Variants in RAD17 observed in about 807,000 individuals in gnomAD.
RAD17 encodes the protein cell cycle checkpoint protein RAD17.
In RAD17, 31 loss-of-function variants were observed where a neutral mutation model predicts 81.5. The observed-to-expected ratio is 0.38, with a 90% confidence interval of 0.29 to 0.51. The LOEUF is 0.51. Among genes scored for constraint, RAD17 ranks in the 20% least tolerant of loss-of-function variants. The pLI is 0.88. For missense variants in RAD17, 681 were observed against 781.2 expected (o/e 0.87, Z 1.53); for synonymous variants, 261 against 266.2 (o/e 0.98, Z 0.19).
chr5:69,381,785 A>T (rs1763875441), intron 6 of RAD17, 116 bp from the exon 7 acceptor site: 1 of 742,116 alleles, frequency 1.3e-6, no homozygotes, highest in African/African-American at 1.8e-5. Flanking sequence ...ATGTGCTTAT[A>T]TGAGACATTC....
At chr5:69,401,527 A>G (rs2150863542) in intron 17 of RAD17, among the ~76,000 whole-genome samples, 1 of 152,346 alleles carries the variant, frequency 6.6e-6, no homozygotes, top group Middle Eastern at 3.4e-3. Context: ...TTACGAAATT[A>G]TAATGCTACA....
chr5:69,379,439 AAACTT>A (rs1268863600), intron 6 of RAD17, among the ~76,000 whole-genome samples: 16 of 152,282 alleles, frequency 1.1e-4, no homozygotes, highest in South Asian at 8.3e-4. Context: ...AGGCTACACT[AAACTT>A]AAACAGTTTT....
chr5:69,387,204 A>G (rs1764268237), intron 11 of RAD17, among the ~76,000 whole-genome samples: 1 of 152,060 alleles, frequency 6.6e-6, no homozygotes, highest in Non-Finnish European at 1.5e-5. Flanking sequence ...GATTTCAGGC[A>G]TGAGCCTCTG....
chr5:69,377,450 T>TACACACACAC, intron 6 of RAD17, among the ~76,000 whole-genome samples: 1 of 11,196 alleles, frequency 8.9e-5, no homozygotes, highest in South Asian at 3.5e-3. Context: ...TATATATATA[T>TACACACACAC]ATATATATAT....
chr5:69,369,517 C>T, upstream of RAD17: 4 of 1,611,326 alleles, frequency 2.5e-6, no homozygotes, highest in Non-Finnish European at 2.5e-6. Context: ...GCTTCGGGCG[C>T]CTCGCTCACG....
chr5:69,406,802 G>C (rs1168407), intron 17 of RAD17, among the ~76,000 whole-genome samples: 75,447 of 151,422 alleles, frequency 0.5, 18,799 homozygotes, highest in South Asian at 0.54. Context: ...CTACCACACC[G>C]AACCAATATA....
At chr5:69,379,969 C>T (rs1763745289) in intron 6 of RAD17, among the ~76,000 whole-genome samples, 2 of 151,982 alleles carry the variant, frequency 1.3e-5, no homozygotes, top group South Asian at 4.1e-4. Flanking sequence ...CAACCTCTGC[C>T]TCCCGGGTTC....
intron 17 of RAD17, among the ~76,000 whole-genome samples, chr5:69,403,436 T>C (rs1291380933): frequency 6.6e-6 from 1 of 152,206 alleles, no homozygotes; most frequent in Non-Finnish European, 1.5e-5. Context: ...AGGAAAGATA[T>C]CTGGATTCTG....
chr5:69,409,367 A>T (rs1198381148), intron 17 of RAD17, among the ~76,000 whole-genome samples: 1 of 152,112 alleles, frequency 6.6e-6, no homozygotes, highest in Non-Finnish European at 1.5e-5. Context: ...TCCAGTAGGA[A>T]GGAGTCCTTT....
Position 69,372,167 on chromosome 5 carries a change from C to T in RAD17, c.-42C>T, listed in dbSNP as rs1763047854. 1.3e-6 allele frequency: 2 copies of T among 1,596,626 alleles called. No homozygotes were observed. Among genetic ancestry groups the T allele is most frequent in the Admixed American group, 1.7e-5 (1 of 58,668 alleles). On this transcript the variant is annotated 5_prime_UTR_variant, in exon 4 of 19. Transcript: ENST00000354868. ...CTCTCAAAAATATAGAGGAAAGGGG[C>T]CAAGATTATAGTACCAGTCACAATC...
At chr5:69,387,519 A>C (rs1051927998) in intron 11 of RAD17, among the ~76,000 whole-genome samples, 1 of 152,226 alleles carries the variant, frequency 6.6e-6, no homozygotes, top group African/African-American at 2.4e-5. Context: ...CCAATAATAC[A>C]GGAAGCAATT....
chr5:69,386,346 T>A, intron 10 of RAD17, 41 bp downstream of exon 10: 1 of 1,582,032 alleles, frequency 6.3e-7, no homozygotes, highest in Non-Finnish European at 8.6e-7. Flanking sequence ...ACATACATAT[T>A]ATATTTTTAA....
At chr5:69,404,221 A>G (rs1184668176) in intron 17 of RAD17, among the ~76,000 whole-genome samples, 1 of 152,224 alleles carries the variant, frequency 6.6e-6, no homozygotes, top group Non-Finnish European at 1.5e-5. Flanking sequence ...GATCCTGATT[A>G]TAGGCAACAA....
At chr5:69,375,449 CTCCT>C (rs1292888097) in intron 6 of RAD17, among the ~76,000 whole-genome samples, 2 of 152,096 alleles carry the variant, frequency 1.3e-5, no homozygotes, top group African/African-American at 2.4e-5. Flanking sequence ...AGAATATTCT[CTCCT>C]TCCATCAGTC....
intron 17 of RAD17, among the ~76,000 whole-genome samples, chr5:69,408,506 C>CTTTT (rs913594965): frequency 0.013 from 1,163 of 88,360 alleles, 29 homozygotes; most frequent in African/African-American, 0.021. Flanking sequence ...ACCCTAATTA[C>CTTTT]TTTTTTTTTT....
At position 69,402,579 on chromosome 5, in the gene RAD17, C is replaced by T. The variant is rs996201675; in HGVS notation, c.1693+2410C>T. On this transcript the variant is annotated intron_variant, in intron 17 of 18. Coordinates refer to ENST00000354868, the MANE Select transcript of RAD17 (RefSeq NM_133338.3). ...CTGAGGCAGGAGAATGGTATGAACC[C>T]GGGAGGCGGAGCTTGCAGTGAGCTG... Among the ~76,000 whole-genome samples, 43 of 150,270 alleles carry T rather than the reference C, an allele frequency of 2.9e-4. 1 individual carries two copies. The highest frequency in any genetic ancestry group is 2.6e-3 in the Admixed American group (39 of 15,018).
upstream of RAD17, chr5:69,369,799 G>GT: frequency 1.5e-6 from 2 of 1,298,320 alleles, no homozygotes; most frequent in South Asian, 2.7e-5. Flanking sequence ...CGACCAGTCT[G>GT]GAAGGTCCCC....
chr5:69,369,455 G>A, upstream of RAD17: 1 of 1,610,350 alleles, frequency 6.2e-7, no homozygotes, highest in Non-Finnish European at 8.5e-7. Flanking sequence ...CCGGCCGCGC[G>A]CCCTGACCGG....
chr5:69,377,415 G>T (rs1763406252), intron 6 of RAD17, among the ~76,000 whole-genome samples: 1 of 93,594 alleles, frequency 1.1e-5, no homozygotes, highest in South Asian at 3.4e-4. Flanking sequence ...ATAAACTTAG[G>T]TATATGTGTG....
Sources: allele counts gnomAD v4.1 joint callset (sites outside exome capture counted in the v4.1 genomes callset), GRCh38; gene constraint gnomAD v4.1.1; transcripts MANE v1.5; gene names NCBI Gene and HGNC (gene_info 2026-07-23, HGNC 2026-07-21).